The following EVI5L variants were observed in gnomAD, a reference collection of about 807,000 sequenced individuals.
The protein encoded by EVI5L is ecotropic viral integration site 5 like, also known as EVI5-like protein.
In EVI5L, 30 loss-of-function variants were observed where a neutral mutation model predicts 106.1. The ratio of observed to expected loss-of-function variants is 0.28; its 90% confidence interval spans 0.21 to 0.38. The LOEUF (loss-of-function observed/expected upper bound fraction) is 0.38, where lower values mean the gene tolerates loss of function less well. EVI5L is among the 10% of genes least tolerant of loss of function. The pLI is 1.00. For synonymous variants in EVI5L, 489 were observed against 483.3 expected (o/e 1.01, Z -0.15); for missense variants, 809 against 1,098.0 (o/e 0.74, Z 3.72).
In EVI5L at chr19:7,861,932, A is replaced by G; in HGVS notation, c.1558A>G (p.Lys520Glu). 1 of 1,550,222 alleles carries G rather than the reference A, an allele frequency of 6.5e-7. No individual in the cohort carries two copies. The highest frequency in any genetic ancestry group is 8.7e-7 in the Non-Finnish European group (1 of 1,146,986). Residue 520 changes from lysine (K) to glutamate (E), a missense_variant, in exon 15 of 20, where the codon AAG becomes GAG. Lys to Glu is a moderately conservative substitution (Grantham distance 56). Around this residue, in one of 2 missense-constraint regions of EVI5L, gnomAD observed 452 missense variants for 509.9 expected, o/e 0.89. Coordinates refer to ENST00000538904, the MANE Select transcript of EVI5L (RefSeq NM_001159944.3). ...TGTGGCGCAGCTGCAGGAGGAGCTG[A>G]AGGCGCTCAAGGTGCGGGAAGGCCA... Reference protein sequence around the residue: ...NNVAQLQEELKALKVREGQAV... With the variant: ...NNVAQLQEELEALKVREGQAV...
At chr19:7,842,006 C>T (rs544107136) in intron 1 of EVI5L, among the ~76,000 whole-genome samples, 21 of 152,116 alleles carry the variant, frequency 1.4e-4, no homozygotes, top group East Asian at 1.4e-3. Flanking sequence ...TGTGTGAGCG[C>T]GTGTGTGTAG....
At chr19:7,849,910 C>A (rs561494343) in intron 5 of EVI5L, 87 bp from the exon 6 acceptor site, 2 of 1,090,494 alleles carry the variant, frequency 1.8e-6, no homozygotes, top group African/African-American at 1.5e-5. Flanking sequence ...TGGACATGGG[C>A]CCCTGTACCC....
chr19:7,862,564 G>A, intron 17 of EVI5L, 30 bp downstream of exon 17: 1 of 1,362,184 alleles, frequency 7.3e-7, no homozygotes, highest in Non-Finnish European at 9.4e-7. Context: ...CGCCCTGCCC[G>A]TGGCACCGCC....
At position 7,846,513 on chromosome 19, in the gene EVI5L, C is replaced by T. The variant is rs775897230; in HGVS notation, c.-30C>T. ...GCCCCCAGACAGAGCTGTGAACCAACCCCGCTCACGGCTAACAAGCCCACC... is the reference window on the plus strand; with the variant it reads ...GCCCCCAGACAGAGCTGTGAACCAATCCCGCTCACGGCTAACAAGCCCACC... On this transcript the variant is annotated 5_prime_UTR_variant, in exon 2 of 20. Transcript: ENST00000538904. 1 of 1,593,402 alleles carries T rather than the reference C, an allele frequency of 6.3e-7. No homozygotes were observed. The highest frequency in any genetic ancestry group is 2.3e-5 in the East Asian group (1 of 44,434).
chr19:7,832,317 C>T (rs375728389), intron 1 of EVI5L, among the ~76,000 whole-genome samples: 2 of 152,214 alleles, frequency 1.3e-5, no homozygotes, highest in South Asian at 4.1e-4. Flanking sequence ...CCGGTCCAGT[C>T]CCGCGCAGCC....
intron 1 of EVI5L, among the ~76,000 whole-genome samples, chr19:7,833,053 A>C (rs957444441): frequency 6.6e-6 from 1 of 152,226 alleles, no homozygotes; most frequent in South Asian, 2.1e-4. Flanking sequence ...AAGGCTTCCC[A>C]GGATGACTGT....
chr19:7,843,569 A>AGCGT (rs1555692270), intron 1 of EVI5L, among the ~76,000 whole-genome samples: 93 of 139,290 alleles, frequency 6.7e-4, no homozygotes, highest in Non-Finnish European at 6.9e-4. Flanking sequence ...TAGGTATGTG[A>AGCGT]GTGTGAGAAT....
chr19:7,857,865 G>A lies in EVI5L; in HGVS notation c.1234-326G>A. On this transcript the variant is annotated intron_variant, in intron 12 of 19. Coordinates refer to ENST00000538904, the MANE Select transcript of EVI5L (RefSeq NM_001159944.3). The surrounding 1 kb of genome is among the most constrained non-coding windows in gnomAD (Gnocchi z 4.5). ...TCACCGGCAGAGTCTGGCATGAATA[G>A]GCACAGGTGGCCTCGCTGTGCCCCT... 3.1e-6 allele frequency: 1 copy of A among 327,034 alleles called. No homozygotes were observed. Among genetic ancestry groups the A allele is most frequent in the South Asian group, 3.6e-5 (1 of 27,482 alleles). The allele number at this position is 327,034 out of a possible 1,614,324, so 20.3% of individuals were successfully genotyped here.
At chr19:7,854,936 A>G (rs1449537315) in intron 10 of EVI5L, among the ~76,000 whole-genome samples, 1 of 152,108 alleles carries the variant, frequency 6.6e-6, no homozygotes, top group Non-Finnish European at 1.5e-5. Flanking sequence ...AAACCCAGGA[A>G]ATATTCTGTG....
In EVI5L at chr19:7,862,181, G is replaced by A. The variant is rs1979834912; in HGVS notation, c.1704G>A (p.Glu568=). The A allele has an allele frequency of 1.3e-6, 2 of 1,576,628 alleles. No individual in the cohort carries two copies. The highest frequency in any genetic ancestry group is 1.3e-5 in the African/African-American group (1 of 74,546). ...CCCCACGGAAGCTGGTCGTGGGCGA[G>A]CTGCAGGACGAGCTGATGAGCGTGC... ...KESPRKLVVG[E]LQDELMSVRL... Residue 568 remains glutamate (E), a synonymous_variant, in exon 16 of 20, where the codon GAG becomes GAA. Coordinates refer to ENST00000538904, the MANE Select transcript of EVI5L (RefSeq NM_001159944.3).
intron 1 of EVI5L, among the ~76,000 whole-genome samples, chr19:7,842,676 A>G (rs866568661): frequency 6.6e-6 from 1 of 151,252 alleles, no homozygotes; most frequent in Middle Eastern, 3.5e-3. Context: ...GTGTGCATGG[A>G]TGTGTGTGCA....
chr19:7,830,861 T>A lies in EVI5L; in HGVS notation c.-48+480T>A, dbSNP rs1289223078. On this transcript the variant is annotated intron_variant, in intron 1 of 19. Coordinates refer to ENST00000538904, the MANE Select transcript of EVI5L (RefSeq NM_001159944.3). Reference sequence around the variant, plus strand: ...CGCACCCCCTCACTTCACGTCCTCCTATCTTGGGCCCAGAACTGCCCCCAC... The same window carrying A: ...CGCACCCCCTCACTTCACGTCCTCCAATCTTGGGCCCAGAACTGCCCCCAC... Among the ~76,000 whole-genome samples, 5 of 68,138 alleles carry A rather than the reference T, an allele frequency of 7.3e-5. No homozygotes were observed. In the East Asian group the frequency reaches 2.1e-3, roughly 29 times the overall value. 44.7% of individuals were successfully genotyped at this position (68,138 alleles called of 152,430 possible). A position where few individuals can be genotyped will look rare whatever the true frequency, so the allele number is the denominator to read the frequency against.
intron 17 of EVI5L, 69 bp from the exon 18 acceptor site, chr19:7,862,903 G>C: frequency 7.6e-6 from 8 of 1,051,816 alleles, no homozygotes; most frequent in Admixed American, 2.7e-5. Flanking sequence ...GCCCCTGCCC[G>C]CGGTCCCGCC....
In EVI5L at chr19:7,850,952, C is replaced by T. The variant is rs375620484; in HGVS notation, c.754-482C>T. Among the ~76,000 whole-genome samples, 3 of 152,210 alleles carry T rather than the reference C, an allele frequency of 2.0e-5. No individual in the cohort carries two copies. Among genetic ancestry groups the T allele is most frequent in the African/African-American group, 7.2e-5 (3 of 41,450 alleles). ...CTGTCTAGAGTTCAGGCCAATCCAA[C>T]ACAGCTTGCACAAAGCTTTATGCTG... is the stretch of plus-strand genomic sequence containing the variant. On this transcript the variant is annotated intron_variant, in intron 6 of 19. Coordinates refer to ENST00000538904, the MANE Select transcript of EVI5L (RefSeq NM_001159944.3). The surrounding 1 kb of genome is among the most constrained non-coding windows in gnomAD (Gnocchi z 5.4).
chr19:7,837,537 T>C (rs1978393626), intron 1 of EVI5L, among the ~76,000 whole-genome samples: 1 of 152,122 alleles, frequency 6.6e-6, no homozygotes, highest in Non-Finnish European at 1.5e-5. Context: ...CCACCTTTCA[T>C]TCAGATTTCC....
intron 1 of EVI5L, among the ~76,000 whole-genome samples, chr19:7,843,667 G>A (rs1007981212): frequency 7.0e-6 from 1 of 142,686 alleles, no homozygotes; most frequent in Non-Finnish European, 1.5e-5. Context: ...TGTGTGTATA[G>A]GTGTATGAGT....
intron 1 of EVI5L, among the ~76,000 whole-genome samples, chr19:7,831,237 A>ACACACACACG: frequency 2.3e-5 from 1 of 43,688 alleles, no homozygotes; most frequent in African/African-American, 6.6e-5. Flanking sequence ...ACACACACAC[A>ACACACACACG]CACACACACA....
chr19:7,832,724 C>T (rs541382412), intron 1 of EVI5L, among the ~76,000 whole-genome samples: 28 of 152,176 alleles, frequency 1.8e-4, no homozygotes, highest in Non-Finnish European at 3.5e-4. Context: ...GGAGCCAGCT[C>T]GAATCAGAGC....
Position 7,863,377 on chromosome 19 carries a change from G to C in EVI5L, c.2140-47G>C, listed in dbSNP as rs549381021. On this transcript the variant is annotated intron_variant, in intron 19 of 19. Transcript: ENST00000538904. This position sits in a 1 kb window ranked among gnomAD's most constrained non-coding sequence, Gnocchi z 7.7. ...TTGCGGAGGATGCGGCTGGGAGGGC[G>C]GGGCAGAAGGCCGGTCCACGCCTGC... is the stretch of plus-strand genomic sequence containing the variant. 4.0e-5 allele frequency: 62 copies of C among 1,534,040 alleles called. No homozygotes were observed. The highest frequency in any genetic ancestry group is 5.4e-5 in the Non-Finnish European group (61 of 1,139,964).
Sources: allele counts gnomAD v4.1 joint callset (sites outside exome capture counted in the v4.1 genomes callset), GRCh38; gene constraint gnomAD v4.1.1; regional missense constraint gnomAD v4.1.1; non-coding constraint Gnocchi (gnomAD v3.1); transcripts MANE v1.5; gene names NCBI Gene and HGNC (gene_info 2026-07-23, HGNC 2026-07-21).